ABCA8: variants seen among roughly 807,000 people sequenced by gnomAD.
ABCA8 encodes the protein ATP binding cassette subfamily A member 8.
Under a neutral mutation model 192.3 loss-of-function variants are expected in ABCA8, and 177 were observed. That is an observed-to-expected ratio of 0.92 (90% CI 0.81 to 1.04). The LOEUF (loss-of-function observed/expected upper bound fraction) is 1.04, where lower values mean the gene tolerates loss of function less well. Among genes scored for constraint, ABCA8 ranks in the 50% least tolerant of loss-of-function variants. The probability of loss-of-function intolerance (pLI) is 0.00; values close to 1 mark genes in which losing one functional copy is unlikely to be tolerated. For missense variants in ABCA8, 1,915 were observed against 1,904.8 expected (o/e 1.01, Z -0.10); for synonymous variants, 642 against 690.2 (o/e 0.93, Z 1.09).
chr17:68,887,112 AACCAACAGC>A lies in ABCA8; in HGVS notation c.3325_3333del (p.Ala1109_Gly1111del). 6.2e-7 allele frequency: 1 copy of A among 1,609,164 alleles called. No homozygotes were observed. ...GTCATGAAGATGAGGGAAAAGGAAT[AACCAACAGC>A]ACATGGGATCTAAAATCAACAGGAA... On this transcript the variant is annotated inframe_deletion, in exon 26 of 40. Transcript: ENST00000586539.
chr17:68,882,929 C>T (rs527561600), intron 29 of ABCA8, among the ~76,000 whole-genome samples: 95 of 152,166 alleles, frequency 6.2e-4, no homozygotes, highest in Non-Finnish European at 8.7e-4. Context: ...TAATAGCTGA[C>T]GAAGAATTTT....
rs1226746677 is a variant in ABCA8, at chr17:68,944,316, T to TAATATATA, written c.-5-2278_-5-2277insTATATATT. 4.2e-3 allele frequency among the ~76,000 whole-genome samples: 124 copies of TAATATATA among 29,234 alleles called. 7 individuals are homozygous for TAATATATA. The highest frequency in any genetic ancestry group is 5.5e-3 in the African/African-American group (39 of 7,116). The allele number at this position is 29,234 out of a possible 152,430, so 19.2% of individuals were successfully genotyped here. A position where few individuals can be genotyped will look rare whatever the true frequency, so the allele number is the denominator to read the frequency against. On this transcript the variant is annotated intron_variant, in intron 2 of 39. Transcript: ENST00000586539. ...AGCACATGTAGCCCAGAACTTAAAG[T>TAATATATA]TATATATATATATATATATATATAT... is the stretch of plus-strand genomic sequence containing the variant.
chr17:68,919,277 A>C (rs1202556964), intron 14 of ABCA8, 24 bp downstream of exon 14: 1 of 1,576,442 alleles, frequency 6.3e-7, no homozygotes, highest in Non-Finnish European at 8.6e-7. Context: ...TGACCAACAC[A>C]TTAACTTTAA....
chr17:68,951,633 C>G (rs1280555567), intron 1 of ABCA8, among the ~76,000 whole-genome samples: 1 of 152,142 alleles, frequency 6.6e-6, no homozygotes, highest in African/African-American at 2.4e-5. Context: ...TCAGCAAGTG[C>G]ATTTAAAGCA....
In ABCA8 at chr17:68,876,452, T is replaced by A; in HGVS notation, c.4370+8A>T. Reference sequence around the variant, plus strand: ...CGTGCTGTCCCTGACCGTGGTAATGTTCCTCACCACATTTGCTGCTGCCCC... The same window carrying A: ...CGTGCTGTCCCTGACCGTGGTAATGATCCTCACCACATTTGCTGCTGCCCC... On this transcript the variant is annotated splice_region_variant and intron_variant, in intron 35 of 39. Transcript: ENST00000586539. The A allele has an allele frequency of 6.2e-7, 1 of 1,613,940 alleles. No individual in the cohort carries two copies. Among genetic ancestry groups the A allele is most frequent in the African/African-American group, 1.3e-5 (1 of 75,034 alleles).
At chr17:68,905,619 A>G (rs1031933943) in intron 19 of ABCA8, among the ~76,000 whole-genome samples, 12 of 152,118 alleles carry the variant, frequency 7.9e-5, no homozygotes, top group African/African-American at 2.9e-4. Flanking sequence ...AGAAAAAAAA[A>G]AGAAAAACCT....
In ABCA8 at chr17:68,911,974, G is replaced by A. The variant is rs1476880752; in HGVS notation, c.2139-4095C>T. 1.3e-5 allele frequency among the ~76,000 whole-genome samples: 2 copies of A among 152,122 alleles called. No individual in the cohort carries two copies. The highest frequency in any genetic ancestry group is 2.4e-5 in the African/African-American group (1 of 41,420). On this transcript the variant is annotated intron_variant, in intron 17 of 39. Coordinates refer to ENST00000586539, the MANE Select transcript of ABCA8 (RefSeq NM_001288985.2). This position sits in a 1 kb window ranked among gnomAD's most constrained non-coding sequence, Gnocchi z 5.7. ...TCTATTCCCTTTGAATACTTGGAAA[G>A]CCTTCCCAAGAAGGATGGGTACAAA...
At chr17:68,953,323 A>G (rs2068620054) in intron 1 of ABCA8, among the ~76,000 whole-genome samples, 1 of 152,240 alleles carries the variant, frequency 6.6e-6, no homozygotes, top group African/African-American at 2.4e-5. Flanking sequence ...CTCCGTATGC[A>G]TGCCATGTTG....
chr17:68,898,461 G>A (rs1946209269), intron 21 of ABCA8, among the ~76,000 whole-genome samples: 1 of 152,080 alleles, frequency 6.6e-6, no homozygotes, highest in African/African-American at 2.4e-5. Context: ...TGCCTTATAA[G>A]AAATACTTAA....
In ABCA8 at chr17:68,922,225, T is replaced by TAAATTTAAA; in HGVS notation, c.1501+16_1501+17insTTTAAATTT. 2 of 477,312 alleles carry TAAATTTAAA rather than the reference T, an allele frequency of 4.2e-6. No homozygotes were observed. Among genetic ancestry groups the TAAATTTAAA allele is most frequent in the Non-Finnish European group, 6.0e-6 (2 of 332,696 alleles). 29.6% of individuals were successfully genotyped at this position (477,312 alleles called of 1,614,324 possible). On this transcript the variant is annotated intron_variant, in intron 12 of 39. Transcript: ENST00000586539. Reference sequence around the variant, plus strand: ...TTTTTTTTTTTTTTTTTTTTTTTTTTTTTTTTTTTTTTTTACCTTTCAAGG... The same window carrying TAAATTTAAA: ...TTTTTTTTTTTTTTTTTTTTTTTTTTAAATTTAAATTTTTTTTTTTTTTACCTTTCAAGG...
intron 21 of ABCA8, among the ~76,000 whole-genome samples, chr17:68,895,457 T>A (rs769373726): frequency 1.3e-5 from 2 of 152,206 alleles, no homozygotes; most frequent in Non-Finnish European, 2.9e-5. Flanking sequence ...AAAACAATCA[T>A]AACTTATAAA....
intron 17 of ABCA8, among the ~76,000 whole-genome samples, chr17:68,916,126 G>A (rs1157226119): frequency 1.3e-5 from 2 of 152,044 alleles, no homozygotes; most frequent in East Asian, 1.9e-4. Flanking sequence ...AGGCTGAGAA[G>A]GGTAGTGGGG....
chr17:68,954,992 AC>A (rs1286147406), intron 1 of ABCA8, among the ~76,000 whole-genome samples: 12 of 152,210 alleles, frequency 7.9e-5, no homozygotes, highest in African/African-American at 2.2e-4. Flanking sequence ...TTTTTAAAAA[AC>A]ATTCTAACTC....
Position 68,914,021 on chromosome 17 carries a change from A to G in ABCA8, c.2138+3340T>C, listed in dbSNP as rs558113527. On this transcript the variant is annotated intron_variant, in intron 17 of 39. Transcript: ENST00000586539. The stretch of plus-strand genomic sequence containing the variant: ...TTCAATGCATGGAAATCAATGTGAT[A>G]CATCATACCAACAGAATAAAGGGCA... Among the ~76,000 whole-genome samples, 7 of 152,226 alleles carry G rather than the reference A, an allele frequency of 4.6e-5. No homozygotes were observed. The East Asian group carries it at 1.3e-3, about 29-fold the overall frequency.
intron 24 of ABCA8, among the ~76,000 whole-genome samples, chr17:68,890,300 A>G (rs530741275): frequency 1.3e-5 from 2 of 152,276 alleles, no homozygotes; most frequent in South Asian, 4.1e-4. Context: ...TGCTCATGAC[A>G]TTAACCATCT....
rs756836445 is a variant in ABCA8, at chr17:68,928,083, T to C, written c.1126-20A>G. 15 of 1,547,182 alleles carry C rather than the reference T, an allele frequency of 9.7e-6. No individual in the cohort carries two copies. The Admixed American group carries it at 3.0e-4, about 31-fold the overall frequency. ...TAAAAGCTGAAAATTAAAAAGTAAT[T>C]AATTAAGGGAAATTAGGTATAAGAT... On this transcript the variant is annotated intron_variant, in intron 9 of 39. Coordinates refer to ENST00000586539, the MANE Select transcript of ABCA8 (RefSeq NM_001288985.2).
Position 68,922,228 on chromosome 17 carries a change from T to TAAAA in ABCA8, c.1501+13_1501+14insTTTT. ...TTTTTTTTTTTTTTTTTTTTTTTTT[T>TAAAA]TTTTTTTTTTTACCTTTCAAGGCTT... On this transcript the variant is annotated intron_variant, in intron 12 of 39. Transcript: ENST00000586539. 1.9e-6 allele frequency: 1 copy of TAAAA among 523,758 alleles called. No homozygotes were observed. Among genetic ancestry groups the TAAAA allele is most frequent in the South Asian group, 4.9e-5 (1 of 20,456 alleles). 32.4% of individuals were successfully genotyped at this position (523,758 alleles called of 1,614,324 possible).
chr17:68,932,432 G>C lies in ABCA8; in HGVS notation c.653C>G (p.Ser218Ter). Residue 218 changes from serine (S) to a stop codon, truncating the protein, a stop_gained, in exon 7 of 40, where the codon TCA becomes TGA. Coordinates refer to ENST00000586539, the MANE Select transcript of ABCA8 (RefSeq NM_001288985.2). LOFTEE classifies it high-confidence loss of function. ...NMKMHSFIGQ[S>*]GVITDLYLFS... Reference sequence around the variant, plus strand: ...AAGGTACAAATCAGTTATAACTCCTGATTGACCAATGAAGGAATGCATCTT... The same window carrying C: ...AAGGTACAAATCAGTTATAACTCCTCATTGACCAATGAAGGAATGCATCTT... 6.2e-7 allele frequency: 1 copy of C among 1,613,952 alleles called. No individual in the cohort carries two copies.
chr17:68,922,357 G>A, intron 11 of ABCA8, 57 bp from the exon 12 acceptor site: 1 of 1,177,464 alleles, frequency 8.5e-7, no homozygotes. Flanking sequence ...GTAATTTCCA[G>A]TTTGGTAGAC....
Sources: gnomAD v4.1 joint callset for allele counts (sites outside exome capture counted in the v4.1 genomes callset) on GRCh38, gnomAD v4.1.1 for gene constraint, Gnocchi (gnomAD v3.1) non-coding constraint, MANE v1.5 for transcripts, NCBI Gene and HGNC (gene_info 2026-07-23, HGNC 2026-07-21) for gene names.